The following FUT9 variants were observed in gnomAD, a reference collection of about 807,000 sequenced individuals.
FUT9 encodes 4-galactosyl-N-acetylglucosaminide 3-alpha-L-fucosyltransferase 9.
A neutral mutation model predicts 29.7 loss-of-function variants in FUT9; 15 were observed. The ratio of observed to expected loss-of-function variants is 0.51; its 90% CI spans 0.34 to 0.78. The LOEUF is 0.78. Ranked by LOEUF, FUT9 falls within the 30% of genes least tolerant of loss-of-function variation. The pLI is 0.01. For missense variants in FUT9, 319 were observed against 425.4 expected (o/e 0.75, Z 2.20); for synonymous variants, 169 against 153.7 (o/e 1.10, Z -0.74).
intron 1 of FUT9, among the ~76,000 whole-genome samples, chr6:96,102,652 C>T (rs1427315126): frequency 6.6e-6 from 1 of 152,094 alleles, no homozygotes; most frequent in Non-Finnish European, 1.5e-5. Context: ...TACTTAAAAT[C>T]ACATATGATT....
At chr6:96,197,959 C>A (rs1179240084) in intron 2 of FUT9, among the ~76,000 whole-genome samples, 1 of 152,166 alleles carries the variant, frequency 6.6e-6, no homozygotes, top group Non-Finnish European at 1.5e-5. Flanking sequence ...GTAGGACTGC[C>A]TCTCCATGAG....
intron 1 of FUT9, among the ~76,000 whole-genome samples, chr6:96,054,797 T>A (rs1316198333): frequency 1.3e-5 from 2 of 152,112 alleles, no homozygotes; most frequent in Non-Finnish European, 2.9e-5. Context: ...GAGAAAAAAA[T>A]AGTGCATATA....
intron 1 of FUT9, among the ~76,000 whole-genome samples, chr6:96,061,001 T>A (rs1214120386): frequency 6.6e-6 from 1 of 152,170 alleles, no homozygotes; most frequent in Non-Finnish European, 1.5e-5. Flanking sequence ...ATATTATAAA[T>A]GGCCAAATAC....
intron 1 of FUT9, among the ~76,000 whole-genome samples, chr6:96,042,938 T>C (rs981852533): frequency 3.3e-5 from 5 of 152,240 alleles, no homozygotes; most frequent in African/African-American, 1.2e-4. Context: ...GGTGGTTATC[T>C]GCCATCAGTC....
In FUT9 at chr6:96,035,874, TAATAC is replaced by T. The variant is rs1170204261; in HGVS notation, c.-98+19664_-98+19668del. On this transcript the variant is annotated intron_variant, in intron 1 of 2. Transcript: ENST00000302103. ...TTATGTTTATTATATTAATATAATA[TAATAC>T]ATTATGTTTATTATATTAATATAAT... Among the ~76,000 whole-genome samples, 8 of 102,688 alleles carry T rather than the reference TAATAC, an allele frequency of 7.8e-5. 1 individual carries two copies. The highest frequency in any genetic ancestry group is 0.013 in the Middle Eastern group (1 of 80). 67.4% of individuals were successfully genotyped at this position (102,688 alleles called of 152,430 possible).
At chr6:96,055,387 T>TTTG (rs937927614) in intron 1 of FUT9, among the ~76,000 whole-genome samples, 12 of 34,994 alleles carry the variant, frequency 3.4e-4, no homozygotes, top group South Asian at 1.4e-3. Flanking sequence ...TTGGGGTTTG[T>TTTG]TTTTTTTCTT....
intron 2 of FUT9, among the ~76,000 whole-genome samples, chr6:96,181,659 ATGAG>A (rs1041216489): frequency 6.6e-6 from 1 of 151,946 alleles, no homozygotes; most frequent in African/African-American, 2.4e-5. Context: ...GCTCCCACTT[ATGAG>A]TGAGAACATA....
At chr6:96,165,640 G>A (rs983292961) in intron 2 of FUT9, among the ~76,000 whole-genome samples, 2 of 151,700 alleles carry the variant, frequency 1.3e-5, no homozygotes, top group Non-Finnish European at 2.9e-5. Context: ...CTTGAGTCTC[G>A]CTCTGTCATC....
intron 2 of FUT9, among the ~76,000 whole-genome samples, chr6:96,115,124 T>C (rs562888630): frequency 6.6e-6 from 1 of 152,302 alleles, no homozygotes; most frequent in South Asian, 2.1e-4. Context: ...ACACAAAATA[T>C]GATTTAATAC....
intron 2 of FUT9, among the ~76,000 whole-genome samples, chr6:96,133,690 G>T (rs373161022): frequency 6.6e-6 from 1 of 151,736 alleles, no homozygotes. Flanking sequence ...TAAACTATTC[G>T]GTTAACCCCT....
At chr6:96,165,648 A>G (rs965907082) in intron 2 of FUT9, among the ~76,000 whole-genome samples, 9 of 151,976 alleles carry the variant, frequency 5.9e-5, no homozygotes, top group Non-Finnish European at 7.4e-5. Flanking sequence ...TCGCTCTGTC[A>G]TCTGTCACCC....
chr6:96,023,824 A>T (rs972365047), intron 1 of FUT9, among the ~76,000 whole-genome samples: 16 of 151,856 alleles, frequency 1.1e-4, no homozygotes, highest in African/African-American at 3.9e-4. Context: ...CAAGTCTGTA[A>T]TCAAGGCTGT....
At chr6:96,102,462 C>T (rs999199199) in intron 1 of FUT9, among the ~76,000 whole-genome samples, 3 of 151,928 alleles carry the variant, frequency 2.0e-5, no homozygotes, top group South Asian at 2.1e-4. Context: ...TCTGTAATTG[C>T]CTTGAATTTT....
chr6:96,057,327 CTTT>C (rs1207298284), intron 1 of FUT9, among the ~76,000 whole-genome samples: 1 of 152,074 alleles, frequency 6.6e-6, no homozygotes, highest in African/African-American at 2.4e-5. Context: ...GTGTCTACTT[CTTT>C]ATTTTATATC....
intron 1 of FUT9, among the ~76,000 whole-genome samples, chr6:96,057,003 A>G (rs1265899109): frequency 2.6e-5 from 4 of 152,212 alleles, no homozygotes. Context: ...CTTTATTATA[A>G]AATAGGCATT....
At chr6:96,121,456 C>T (rs1001147490) in intron 2 of FUT9, among the ~76,000 whole-genome samples, 2 of 152,186 alleles carry the variant, frequency 1.3e-5, no homozygotes, top group Middle Eastern at 3.4e-3. Flanking sequence ...AACTAGCCCC[C>T]CTAGGAAAAA....
intron 2 of FUT9, among the ~76,000 whole-genome samples, chr6:96,121,756 T>G (rs982280733): frequency 2.6e-5 from 4 of 152,174 alleles, no homozygotes; most frequent in Non-Finnish European, 5.9e-5. Flanking sequence ...GATGCTAATT[T>G]AAAATTTGTG....
At chr6:96,104,765 C>T (rs1304010783) in intron 1 of FUT9, among the ~76,000 whole-genome samples, 1 of 151,908 alleles carries the variant, frequency 6.6e-6, no homozygotes, top group Non-Finnish European at 1.5e-5. Context: ...TTCCTGACCT[C>T]GTGATCTACC....
At chr6:96,126,606 A>C (rs763007252) in intron 2 of FUT9, among the ~76,000 whole-genome samples, 32 of 152,236 alleles carry the variant, frequency 2.1e-4, no homozygotes, top group Non-Finnish European at 5.9e-5. Flanking sequence ...ACATGCAATG[A>C]GTTGTTAGAC....
Sources: gnomAD v4.1 joint callset for allele counts (sites outside exome capture counted in the v4.1 genomes callset) on GRCh38, gnomAD v4.1.1 for gene constraint, MANE v1.5 for transcripts, NCBI Gene and HGNC (gene_info 2026-07-23, HGNC 2026-07-21) for gene names.